The following ATR variants were observed in gnomAD, a reference collection of about 807,000 sequenced individuals.
The protein encoded by ATR is serine/threonine-protein kinase ATR.
Under a neutral mutation model 305.3 loss-of-function variants are expected in ATR, and 142 were observed. That is an observed-to-expected ratio of 0.47 (90% CI 0.41 to 0.53). The LOEUF (loss-of-function observed/expected upper bound fraction) is 0.53. Among genes scored for constraint, ATR ranks in the 20% least tolerant of loss-of-function variants. ATR has a pLI of 0.00. For synonymous variants in ATR, 1,050 were observed against 1,068.1 expected, an observed-to-expected ratio of 0.98 and a Z score of 0.33; for missense variants, 2,135 against 3,133.1, an observed-to-expected ratio of 0.68 and a Z score of 7.60.
At chr3:142,513,965 A>T (rs377728124) in intron 25 of ATR, among the ~76,000 whole-genome samples, 1 of 152,126 alleles carries the variant, frequency 6.6e-6, no homozygotes, top group East Asian at 1.9e-4. Flanking sequence ...TTTTCAGTAT[A>T]TTCATTAAAA....
intron 32 of ATR, among the ~76,000 whole-genome samples, chr3:142,498,061 T>A (rs920597543): frequency 6.6e-6 from 1 of 152,088 alleles, no homozygotes; most frequent in South Asian, 2.1e-4. Flanking sequence ...TCTTCTAACT[T>A]AAAAAAACAG....
At chr3:142,557,682 G>C (rs921353265) in intron 8 of ATR, among the ~76,000 whole-genome samples, 3 of 152,210 alleles carry the variant, frequency 2.0e-5, no homozygotes, top group African/African-American at 7.2e-5. Flanking sequence ...GCCCAGGCTG[G>C]AGTGCAGGGG....
At chr3:142,500,607 C>T (rs1305257599) in intron 30 of ATR, among the ~76,000 whole-genome samples, 1 of 152,070 alleles carries the variant, frequency 6.6e-6, no homozygotes, top group East Asian at 1.9e-4. Context: ...CAAAAGTTTT[C>T]CTTGCTCTTT....
At position 142,556,453 on chromosome 3, in the gene ATR, T is replaced by C; in HGVS notation, c.2008A>G (p.Ser670Gly). 2 of 1,614,104 alleles carry C rather than the reference T, an allele frequency of 1.2e-6. No homozygotes were observed. The highest frequency in any genetic ancestry group is 2.2e-5 in the South Asian group (2 of 91,086). Residue 670 changes from serine to glycine, a missense_variant, in exon 9 of 47, where the codon AGT (serine) becomes GGT (glycine). Physicochemically the swap from Ser to Gly is moderately conservative, Grantham distance 56. Transcript: ENST00000350721. ...AAGATAAAAAATCCACTAACACAAC[T>C]AGCCCGGATTACTTCATGGGAGCTC... The part of the protein sequence containing the change: ...LQSSHEVIRA[S>G]CVSGFFILLQ...
intron 39 of ATR, among the ~76,000 whole-genome samples, chr3:142,466,832 T>C (rs1386049656): frequency 3.9e-5 from 6 of 152,200 alleles, no homozygotes; most frequent in Non-Finnish European, 5.9e-5. Flanking sequence ...TGTTTGATTA[T>C]GGGATACTCC....
intron 39 of ATR, 99 bp downstream of exon 39, chr3:142,467,835 G>A (rs1272270717): frequency 7.1e-7 from 1 of 1,405,682 alleles, no homozygotes; most frequent in Non-Finnish European, 9.7e-7. Context: ...TACACCTATA[G>A]TTAGAATTTT....
intron 46 of ATR, chr3:142,452,443 G>A: frequency 6.2e-6 from 6 of 968,372 alleles, no homozygotes; most frequent in Non-Finnish European, 7.4e-6. Context: ...GGGATGCTGA[G>A]GTGGGTGGAT....
Position 142,485,231 on chromosome 3 carries a change from T to G in ATR, c.6130A>C (p.Lys2044Gln), listed in dbSNP as rs1198824448. The G allele has an allele frequency of 6.2e-7, 1 of 1,614,070 alleles. No individual in the cohort carries two copies. Among genetic ancestry groups the G allele is most frequent in the African/African-American group, 1.3e-5 (1 of 74,934 alleles). ...EWEDGHFYLAKYYDKLMPMVT... is the reference protein window; with the variant it reads ...EWEDGHFYLAQYYDKLMPMVT... ...ATGGGCATCAATTTGTCATAGTACTTGGCAAGGTAAAAATGCCCATCCTCC... is the reference window on the plus strand; with the variant it reads ...ATGGGCATCAATTTGTCATAGTACTGGGCAAGGTAAAAATGCCCATCCTCC... Residue 2044 changes from lysine to glutamine, a missense_variant, in exon 36 of 47, where the codon AAG (lysine) becomes CAG (glutamine). Lys to Gln is a moderately conservative substitution (Grantham distance 53). Around this residue, in one of 9 missense-constraint regions of ATR, gnomAD observed 462 missense variants for 887.6 expected, o/e 0.52. Coordinates refer to ENST00000350721, the MANE Select transcript of ATR (RefSeq NM_001184.4).
intron 21 of ATR, among the ~76,000 whole-genome samples, chr3:142,530,047 TG>T (rs1233835016): frequency 1.3e-5 from 2 of 152,166 alleles, no homozygotes; most frequent in African/African-American, 2.4e-5. Context: ...ATCAATTATT[TG>T]CAGGTGAAAT....
intron 35 of ATR, among the ~76,000 whole-genome samples, chr3:142,491,736 C>T (rs868239700): frequency 1.3e-5 from 2 of 152,324 alleles, no homozygotes; most frequent in South Asian, 2.1e-4. Flanking sequence ...TTATCTTCAT[C>T]AGAATGCAAC....
At chr3:142,535,230 G>A (rs752985152) in intron 20 of ATR, 25 bp from the exon 21 acceptor site, 1 of 1,611,904 alleles carries the variant, frequency 6.2e-7, no homozygotes, top group Admixed American at 1.7e-5. Context: ...CAGAGAGACA[G>A]AACTTATTAA....
intron 35 of ATR, among the ~76,000 whole-genome samples, chr3:142,490,854 T>A (rs2031236545): frequency 1.3e-5 from 2 of 152,196 alleles, no homozygotes; most frequent in Non-Finnish European, 1.5e-5. Flanking sequence ...TAGTTTATAA[T>A]CTTTTGAATT....
At position 142,538,537 on chromosome 3, in the gene ATR, G is replaced by A. The variant is rs2108432450; in HGVS notation, c.3670C>T (p.His1224Tyr). The part of the protein sequence containing the change: ...HVIVALLPLI[H>Y]IQPKETAAIF... ...GCTGCAGTTTCTTTAGGCTGGATGT[G>A]TATAAGAGGTAACAAAGCTACTATT... Residue 1224 changes from histidine to tyrosine, a missense_variant, in exon 19 of 47, where the codon CAC (histidine) becomes TAC (tyrosine). By Grantham distance (83) the His-to-Tyr change is moderately conservative. Around this residue, in one of 9 missense-constraint regions of ATR, gnomAD observed 530 missense variants for 766.8 expected, o/e 0.69. Transcript: ENST00000350721. The A allele has an allele frequency of 6.2e-7, 1 of 1,613,406 alleles. No homozygotes were observed. The highest frequency in any genetic ancestry group is 2.2e-5 in the East Asian group (1 of 44,832).
At chr3:142,520,720 C>CAA (rs200152221) in intron 23 of ATR, among the ~76,000 whole-genome samples, 16 of 149,990 alleles carry the variant, frequency 1.1e-4, no homozygotes, top group African/African-American at 3.7e-4. Context: ...TCTTAAAAAA[C>CAA]AAAAAAAAAC....
In ATR at chr3:142,522,833, T is replaced by C. The variant is rs764080150; in HGVS notation, c.4161A>G (p.Val1387=). Residue 1387 remains valine, a synonymous_variant, in exon 23 of 47, where the codon GTA becomes GTG. Transcript: ENST00000350721. The part of the protein sequence containing the change: ...QGKDFTFVTG[V]EDSSFAYGLL... ...ATCCATAGGCAAAGCTTGAATCTTC[T>C]ACTCCAGTCTCAATCAGAAAAAAAA... The C allele has an allele frequency of 1.2e-6, 2 of 1,607,334 alleles. No individual in the cohort carries two copies. The highest frequency in any genetic ancestry group is 1.3e-5 in the African/African-American group (1 of 74,690).
At chr3:142,508,509 A>G (rs1409994018) in intron 27 of ATR, among the ~76,000 whole-genome samples, 1 of 152,198 alleles carries the variant, frequency 6.6e-6, no homozygotes, top group Non-Finnish European at 1.5e-5. Context: ...GATTAAATGT[A>G]GCTATTTTGT....
chr3:142,540,864 C>CAA (rs201551475), intron 18 of ATR, 40 bp downstream of exon 18: 285 of 1,385,840 alleles, frequency 2.1e-4, no homozygotes, highest in Admixed American at 1.5e-3. Flanking sequence ...CTGGAAAATG[C>CAA]AAAAAAAAAA....
At chr3:142,507,538 A>G (rs2032319287) in intron 28 of ATR, among the ~76,000 whole-genome samples, 1 of 152,172 alleles carries the variant, frequency 6.6e-6, no homozygotes, top group Admixed American at 6.5e-5. Context: ...ATTATTTGTG[A>G]TCTTTCCTCT....
At chr3:142,512,042 C>T (rs1319028417) in intron 27 of ATR, among the ~76,000 whole-genome samples, 3 of 151,798 alleles carry the variant, frequency 2.0e-5, no homozygotes, top group Admixed American at 6.6e-5. Flanking sequence ...TGCTTGAACC[C>T]GGGAGGCAGA....
Sources: gnomAD v4.1 joint callset for allele counts (sites outside exome capture counted in the v4.1 genomes callset) on GRCh38, gnomAD v4.1.1 for gene constraint, gnomAD v4.1.1 regional missense constraint, MANE v1.5 for transcripts, NCBI Gene and HGNC (gene_info 2026-07-23, HGNC 2026-07-21) for gene names.